Variants in DYNC2H1 observed in about 807,000 individuals in gnomAD.
DYNC2H1 encodes the protein dynein cytoplasmic 2 heavy chain 1.
Under a neutral mutation model 570.0 loss-of-function variants are expected in DYNC2H1, and 410 were observed. That is an observed-to-expected ratio of 0.72 (90% CI 0.66 to 0.78). The LOEUF (loss-of-function observed/expected upper bound fraction) is 0.78, where lower values mean the gene tolerates loss of function less well. Ranked by LOEUF, DYNC2H1 falls within the 30% of genes least tolerant of loss-of-function variation. DYNC2H1 has a pLI of 0.00. For synonymous variants in DYNC2H1, 1,688 were observed against 1,677.6 expected, an observed-to-expected ratio of 1.01 and a Z score of -0.15; for missense variants, 4,865 against 5,046.4, an observed-to-expected ratio of 0.96 and a Z score of 1.09.
At position 103,125,148 on chromosome 11, in the gene DYNC2H1, A is replaced by T; in HGVS notation, c.1710A>T (p.Leu570Phe). ...RIMELDSNDG[L>F]LKVHYSDRLV... is the part of the protein sequence containing the mutation. Reference sequence around the variant, plus strand: ...TGGAATTGGATTCTAATGATGGATTACTAAAAGTGCATTATTCAGATCGTT... The same window carrying T: ...TGGAATTGGATTCTAATGATGGATTTCTAAAAGTGCATTATTCAGATCGTT... The change falls in exon 12 of 89, where the codon TTA becomes TTT. Residue 570 changes from leucine to phenylalanine, a missense_variant. Leu to Phe is a conservative substitution (Grantham distance 22). Coordinates refer to ENST00000375735, the MANE Select transcript of DYNC2H1 (RefSeq NM_001377.3). 1 of 1,613,658 alleles carries T rather than the reference A, an allele frequency of 6.2e-7. No homozygotes were observed. Among genetic ancestry groups the T allele is most frequent in the East Asian group, 2.2e-5 (1 of 44,820 alleles).
chr11:103,468,740 T>C (rs1945275060), intron 88 of DYNC2H1, 35 bp downstream of exon 88: 1 of 1,454,378 alleles, frequency 6.9e-7, no homozygotes, highest in Non-Finnish European at 9.6e-7. Context: ...GTTTTAATTA[T>C]ATCAGTTCTC....
rs1860204793 is a variant in DYNC2H1, at chr11:103,145,610, C to T, written c.2703-2162C>T. ...TCCCACACTGTATTTTTCATTTTGT[C>T]ATTTCTTGCTAACAAATTAACATGT... On this transcript the variant is annotated intron_variant, in intron 18 of 88. Coordinates refer to ENST00000375735, the MANE Select transcript of DYNC2H1 (RefSeq NM_001377.3). This position sits in a 1 kb window ranked among gnomAD's most constrained non-coding sequence, Gnocchi z 4.2. Among the ~76,000 whole-genome samples, 1 of 152,094 alleles carries T rather than the reference C, an allele frequency of 6.6e-6. No homozygotes were observed. The highest frequency in any genetic ancestry group is 6.5e-5 in the Admixed American group (1 of 15,268).
At chr11:103,475,372 C>T (rs1945518696) in intron 88 of DYNC2H1, among the ~76,000 whole-genome samples, 1 of 152,064 alleles carries the variant, frequency 6.6e-6, no homozygotes, top group South Asian at 2.1e-4. Flanking sequence ...TACTTCAGCC[C>T]AACAGTGTCT....
intron 83 of DYNC2H1, among the ~76,000 whole-genome samples, chr11:103,393,992 CA>C (rs1942286046): frequency 6.6e-6 from 1 of 152,120 alleles, no homozygotes; most frequent in South Asian, 2.1e-4. Flanking sequence ...GTCCCTCCCA[CA>C]ACATATGGGA....
Position 103,189,752 on chromosome 11 carries a change from C to T in DYNC2H1, c.7373C>T (p.Ser2458Phe). ...CTACATAAAAATCTGAAGAATCATT[C>T]TATTTGGGGTTCTTCATCAAAAATT... is the stretch of plus-strand genomic sequence containing the variant. ...PVLHKNLKNH[S>F]IWGSSSKIYL... The change falls in exon 45 of 89, where the codon TCT becomes TTT. Residue 2458 changes from serine (S) to phenylalanine (F), a missense_variant. Coordinates refer to ENST00000375735, the MANE Select transcript of DYNC2H1 (RefSeq NM_001377.3). The surrounding 1 kb of genome is among the most constrained non-coding windows in gnomAD (Gnocchi z 4.3). The T allele has an allele frequency of 6.2e-7, 1 of 1,612,308 alleles. No individual in the cohort carries two copies. Among genetic ancestry groups the T allele is most frequent in the Non-Finnish European group, 8.5e-7 (1 of 1,179,090 alleles).
intron 79 of DYNC2H1, among the ~76,000 whole-genome samples, chr11:103,313,482 G>A (rs1867687647): frequency 6.6e-6 from 1 of 151,976 alleles, no homozygotes; most frequent in South Asian, 2.1e-4. Context: ...CACTTCTGTT[G>A]AGGAAAATCT....
chr11:103,371,889 C>G (rs1941161015), intron 83 of DYNC2H1, among the ~76,000 whole-genome samples: 1 of 138,282 alleles, frequency 7.2e-6, no homozygotes, highest in South Asian at 2.3e-4. Flanking sequence ...ATGTTGTCAG[C>G]AAATAGGAAC....
At chr11:103,386,672 C>T (rs1941889107) in intron 83 of DYNC2H1, among the ~76,000 whole-genome samples, 1 of 152,076 alleles carries the variant, frequency 6.6e-6, no homozygotes, top group South Asian at 2.1e-4. Context: ...CACAACAGGC[C>T]CCAGTGTGTG....
chr11:103,120,314 A>G (rs779559957), intron 6 of DYNC2H1, 133 bp from the exon 7 acceptor site: 21 of 778,960 alleles, frequency 2.7e-5, no homozygotes, highest in Non-Finnish European at 3.8e-5. Flanking sequence ...CTAGAGTTTC[A>G]GTTTTATTGG....
Position 103,472,839 on chromosome 11 carries a change from G to A in DYNC2H1, c.12765+4134G>A, listed in dbSNP as rs1353400667. On this transcript the variant is annotated intron_variant, in intron 88 of 88. Transcript: ENST00000375735. This position sits in a 1 kb window ranked among gnomAD's most constrained non-coding sequence, Gnocchi z 4.1. ...ACTAAACTTTTTTTTTACACCAGAA[G>A]GAGGTTATTTCACAAATTATTTTCA... Among the ~76,000 whole-genome samples the A allele has an allele frequency of 1.3e-5, 2 of 151,984 alleles. No individual in the cohort carries two copies. Among genetic ancestry groups the A allele is most frequent in the East Asian group, 1.9e-4 (1 of 5,190 alleles).
chr11:103,116,666 C>G lies in DYNC2H1; in HGVS notation c.718C>G (p.His240Asp). 2 of 1,608,640 alleles carry G rather than the reference C, an allele frequency of 1.2e-6. No homozygotes were observed. The highest frequency in any genetic ancestry group is 4.5e-5 in the East Asian group (2 of 44,588). ...VVDDVWRQTE[H>D]DHYPESRMLH... ...AGATGATGTGTGGAGACAAACAGAA[C>G]ATGATCATTATCCTGAGTCACGAAT... Residue 240 changes from histidine to aspartate, a missense_variant, in exon 5 of 89, where the codon CAT becomes GAT. His to Asp is a moderately conservative substitution (Grantham distance 81). This residue lies in a region of DYNC2H1 where 1,936 missense variants were observed against 1,962.1 expected (regional missense o/e 0.99). Coordinates refer to ENST00000375735, the MANE Select transcript of DYNC2H1 (RefSeq NM_001377.3).
At chr11:103,432,218 TAA>T (rs1325741132) in intron 84 of DYNC2H1, among the ~76,000 whole-genome samples, 2 of 152,150 alleles carry the variant, frequency 1.3e-5, no homozygotes, top group African/African-American at 2.4e-5. Context: ...TTACGTAGAA[TAA>T]GAGAAGACAA....
intron 40 of DYNC2H1, among the ~76,000 whole-genome samples, chr11:103,182,198 A>G (rs1020832412): frequency 3.3e-5 from 5 of 151,074 alleles, no homozygotes; most frequent in Middle Eastern, 3.2e-3. Context: ...GCCACTTTTT[A>G]CTGATATGCC....
intron 69 of DYNC2H1, 126 bp downstream of exon 69, chr11:103,257,877 G>A: frequency 9.6e-7 from 1 of 1,041,938 alleles, no homozygotes; most frequent in Non-Finnish European, 1.3e-6. Context: ...AAGACCACAT[G>A]TAACACTTTT....
chr11:103,222,163 A>G lies in DYNC2H1; in HGVS notation c.9231+10A>G. 6.7e-7 allele frequency: 1 copy of G among 1,502,714 alleles called. No individual in the cohort carries two copies. The highest frequency in any genetic ancestry group is 9.0e-7 in the Non-Finnish European group (1 of 1,108,416). 93.1% of individuals were successfully genotyped at this position (1,502,714 alleles called of 1,614,324 possible). A position where few individuals can be genotyped will look rare whatever the true frequency, so the allele number is the denominator to read the frequency against. On this transcript the variant is annotated intron_variant, in intron 58 of 88. Coordinates refer to ENST00000375735, the MANE Select transcript of DYNC2H1 (RefSeq NM_001377.3). ...CTCTTTTGATCCAAAGGTAATTTTT[A>G]AGTTATACTATAAATTTGTTTTTCC...
At chr11:103,401,103 T>C (rs1017637181) in intron 84 of DYNC2H1, among the ~76,000 whole-genome samples, 10 of 152,196 alleles carry the variant, frequency 6.6e-5, no homozygotes, top group African/African-American at 2.4e-4. Flanking sequence ...CGTTTAATCA[T>C]CACAGTAACA....
chr11:103,257,914 TC>T (rs750654374), intron 69 of DYNC2H1, among the ~76,000 whole-genome samples, 163 bp downstream of exon 69: 1 of 152,214 alleles, frequency 6.6e-6, no homozygotes, highest in Non-Finnish European at 1.5e-5. Context: ...CTACTTAATT[TC>T]TTTTTATATT....
chr11:103,139,135 T>A (rs1859749167), intron 17 of DYNC2H1, among the ~76,000 whole-genome samples: 1 of 152,146 alleles, frequency 6.6e-6, no homozygotes, highest in Admixed American at 6.5e-5. Flanking sequence ...TAGCGGTCTA[T>A]CAATTTTGTT....
chr11:103,371,018 A>G (rs1941123097), intron 83 of DYNC2H1, among the ~76,000 whole-genome samples: 1 of 152,174 alleles, frequency 6.6e-6, no homozygotes, highest in African/African-American at 2.4e-5. Context: ...GACCTTTCAG[A>G]CAGAGAATGC....
Sources: gnomAD v4.1 joint callset for allele counts (sites outside exome capture counted in the v4.1 genomes callset) on GRCh38, gnomAD v4.1.1 for gene constraint, gnomAD v4.1.1 regional missense constraint, Gnocchi (gnomAD v3.1) non-coding constraint, MANE v1.5 for transcripts, NCBI Gene and HGNC (gene_info 2026-07-23, HGNC 2026-07-21) for gene names.